The following METAP1D variants were observed in gnomAD, a reference collection of about 807,000 sequenced individuals.
METAP1D encodes the protein methionine aminopeptidase 1D, mitochondrial.
Under a neutral mutation model 40.5 loss-of-function variants are expected in METAP1D, and 31 were observed. The observed-to-expected ratio is 0.77, with a 90% CI of 0.58 to 1.03. The LOEUF (loss-of-function observed/expected upper bound fraction) is 1.03, where lower values mean the gene tolerates loss of function less well. Ranked by LOEUF, METAP1D falls within the 50% of genes least tolerant of loss-of-function variation. The pLI, the probability that METAP1D is intolerant of heterozygous loss-of-function variation, is 0.00. For synonymous variants in METAP1D, 151 were observed against 146.4 expected (o/e 1.03, Z -0.22); for missense variants, 411 against 420.7 (o/e 0.98, Z 0.20).
intron 1 of METAP1D, among the ~76,000 whole-genome samples, chr2:172,009,490 A>G (rs923795557): frequency 2.0e-5 from 3 of 148,702 alleles, no homozygotes; most frequent in African/African-American, 7.3e-5. Context: ...AATTTTTTTT[A>G]TATGGGTTTA....
intron 6 of METAP1D, among the ~76,000 whole-genome samples, chr2:172,077,012 A>G (rs890035362): frequency 6.6e-6 from 1 of 152,240 alleles, no homozygotes; most frequent in Admixed American, 6.5e-5. Flanking sequence ...GCTTGGTTTC[A>G]GATGGAATGT....
chr2:172,062,802 G>A (rs944610485), intron 2 of METAP1D, among the ~76,000 whole-genome samples: 1 of 152,222 alleles, frequency 6.6e-6, no homozygotes, highest in African/African-American at 2.4e-5. Context: ...AAAGAAGAGA[G>A]CCCTAACCTC....
At chr2:172,077,270 T>C (rs1438616015) in intron 6 of METAP1D, among the ~76,000 whole-genome samples, 1 of 152,210 alleles carries the variant, frequency 6.6e-6, no homozygotes, top group Non-Finnish European at 1.5e-5. Flanking sequence ...TTCGTGTGAG[T>C]GTGCCTGTTG....
At chr2:172,039,187 C>G (rs1242542582) in intron 1 of METAP1D, among the ~76,000 whole-genome samples, 1 of 152,162 alleles carries the variant, frequency 6.6e-6, no homozygotes, top group African/African-American at 2.4e-5. Context: ...TTCTCCAACC[C>G]TCTTCATGTT....
chr2:172,071,230 GAA>G (rs1177012150), intron 6 of METAP1D, among the ~76,000 whole-genome samples, 160 bp downstream of exon 6: 2 of 138,080 alleles, frequency 1.4e-5, no homozygotes, highest in Admixed American at 7.3e-5. Flanking sequence ...TCCCTGAGTT[GAA>G]AAAAAAAAAA....
Position 172,070,912 on chromosome 2 carries a change from T to C in METAP1D, c.546T>C (p.Tyr182=). Reference sequence around the variant, plus strand: ...AAATTTCTGCTTATGTTTAGGTCTATTACAATGGCTACCATGGAGACACCT... The same window carrying C: ...AAATTTCTGCTTATGTTTAGGTCTACTACAATGGCTACCATGGAGACACCT... ...GDIINIDVTV[Y]YNGYHGDTSE... Residue 182 remains tyrosine (Y), a synonymous_variant, in exon 6 of 10, where the codon TAT becomes TAC. Coordinates refer to ENST00000315796, the MANE Select transcript of METAP1D (RefSeq NM_199227.3). The C allele has an allele frequency of 6.2e-7, 1 of 1,608,350 alleles. No homozygotes were observed. The highest frequency in any genetic ancestry group is 8.5e-7 in the Non-Finnish European group (1 of 1,176,992).
intron 1 of METAP1D, among the ~76,000 whole-genome samples, chr2:172,041,145 A>G (rs1262486878): frequency 1.3e-5 from 2 of 152,034 alleles, no homozygotes; most frequent in African/African-American, 4.8e-5. Context: ...CATATTATAT[A>G]AAGCAAAAAC....
At chr2:172,034,580 G>T (rs1204769031) in intron 1 of METAP1D, among the ~76,000 whole-genome samples, 5 of 152,162 alleles carry the variant, frequency 3.3e-5, no homozygotes, top group African/African-American at 1.2e-4. Flanking sequence ...TTATTATTAT[G>T]AAGTTCCTGA....
chr2:172,013,237 G>A (rs979550784), intron 1 of METAP1D, among the ~76,000 whole-genome samples: 4 of 152,150 alleles, frequency 2.6e-5, no homozygotes, highest in Admixed American at 6.5e-5. Flanking sequence ...CCCCGGCTTC[G>A]TTGGCCCCAT....
chr2:172,021,696 A>G (rs996732961), intron 1 of METAP1D: 2 of 152,294 alleles, frequency 1.3e-5, no homozygotes, highest in African/African-American at 4.8e-5. Flanking sequence ...TATTGACAGG[A>G]CAGGGTCAGG....
intron 1 of METAP1D, among the ~76,000 whole-genome samples, chr2:172,029,101 G>GC (rs1157355501): frequency 6.6e-6 from 1 of 152,162 alleles, no homozygotes; most frequent in East Asian, 1.9e-4. Flanking sequence ...GCTTACTATT[G>GC]CCAGTAGTTA....
intron 1 of METAP1D, among the ~76,000 whole-genome samples, chr2:172,039,218 T>A (rs548645489): frequency 6.6e-6 from 1 of 152,330 alleles, no homozygotes; most frequent in South Asian, 2.1e-4. Flanking sequence ...GAAGACCTCC[T>A]GCCTCTCTGT....
At chr2:172,035,330 A>G in intron 1 of METAP1D, among the ~76,000 whole-genome samples, 1 of 151,936 alleles carries the variant, frequency 6.6e-6, no homozygotes, top group Middle Eastern at 3.2e-3. Context: ...ACGCCCGGCT[A>G]ACTTTTTGTA....
At chr2:172,029,538 C>A (rs1689193646) in intron 1 of METAP1D, among the ~76,000 whole-genome samples, 1 of 152,134 alleles carries the variant, frequency 6.6e-6, no homozygotes, top group African/African-American at 2.4e-5. Context: ...TAGACAAAAG[C>A]CTGACTAAGA....
intron 1 of METAP1D, among the ~76,000 whole-genome samples, chr2:172,043,037 G>GTATATATA (rs1321548312): frequency 8.7e-6 from 1 of 114,852 alleles, no homozygotes; most frequent in Non-Finnish European, 2.0e-5. Context: ...GTGTATATGT[G>GTATATATA]TACACGTGTA....
intron 1 of METAP1D, among the ~76,000 whole-genome samples, chr2:172,049,723 A>G (rs1689846816): frequency 6.6e-6 from 1 of 152,168 alleles, no homozygotes; most frequent in South Asian, 2.1e-4. Context: ...CTGGTTGAAA[A>G]TAACTCCTTG....
chr2:172,001,873 G>C (rs1395388361), intron 1 of METAP1D, among the ~76,000 whole-genome samples: 1 of 152,092 alleles, frequency 6.6e-6, no homozygotes, highest in African/African-American at 2.4e-5. Context: ...AAGGCGGGCA[G>C]ATCACTTGAG....
chr2:172,000,006 A>G lies in METAP1D; in HGVS notation c.37A>G (p.Arg13Gly), dbSNP rs891514720. The G allele has an allele frequency of 8.2e-6, 11 of 1,339,542 alleles. No homozygotes were observed. In the Admixed American group the frequency reaches 1.6e-4, roughly 19 times the overall value. The allele number at this position is 1,339,542 out of a possible 1,614,324, so 83.0% of individuals were successfully genotyped here. A position where few individuals can be genotyped will look rare whatever the true frequency, so the allele number is the denominator to read the frequency against. Residue 13 changes from arginine (R) to glycine (G), a missense_variant, in exon 1 of 10, where the codon AGA becomes GGA. By Grantham distance (125) the Arg-to-Gly change is moderately radical. Coordinates refer to ENST00000315796, the MANE Select transcript of METAP1D (RefSeq NM_199227.3). The stretch of plus-strand genomic sequence containing the variant: ...CAGTGGCGTCCACCTGCTCGTCCGC[A>G]GAGGTAAGCGCGTGGAGGAGAGCCC... Reference protein sequence around the residue: ...APSGVHLLVRRGSHRIFSSPL... With the variant: ...APSGVHLLVRGGSHRIFSSPL...
In METAP1D at chr2:172,081,487, T is replaced by G. The variant is rs972337672; in HGVS notation, c.*1081T>G. ...GTTCGGCCGGCAGTTCCATCCCGCTTCAGGAACAGGAATCCAAGGGCCCAC... is the reference window on the plus strand; with the variant it reads ...GTTCGGCCGGCAGTTCCATCCCGCTGCAGGAACAGGAATCCAAGGGCCCAC... On this transcript the variant is annotated 3_prime_UTR_variant, in exon 10 of 10. Transcript: ENST00000315796. 31 of 152,218 alleles carry G rather than the reference T, an allele frequency of 2.0e-4. No homozygotes were observed. Among genetic ancestry groups the G allele is most frequent in the African/African-American group, 7.2e-4 (30 of 41,424 alleles). The allele number at this position is 152,218 out of a possible 1,614,324, so 9.4% of individuals were successfully genotyped here. A position where few individuals can be genotyped will look rare whatever the true frequency, so the allele number is the denominator to read the frequency against.
Sources: allele counts gnomAD v4.1 joint callset (sites outside exome capture counted in the v4.1 genomes callset), GRCh38; gene constraint gnomAD v4.1.1; transcripts MANE v1.5; gene names NCBI Gene and HGNC (gene_info 2026-07-23, HGNC 2026-07-21).